The following SENP6 variants were observed in gnomAD, a reference collection of about 807,000 sequenced individuals.
SENP6 encodes the protein SUMO specific peptidase 6, also known as sentrin-specific protease 6.
Under a neutral mutation model 134.5 loss-of-function variants are expected in SENP6, and 41 were observed. The observed-to-expected ratio is 0.30, with a 90% CI of 0.24 to 0.40. The LOEUF is 0.40. Ranked by LOEUF, SENP6 falls within the 10% of genes least tolerant of loss-of-function variation. The probability of loss-of-function intolerance (pLI) is 1.00; values close to 1 mark genes in which losing one functional copy is unlikely to be tolerated. For missense variants in SENP6, 1,248 were observed against 1,312.5 expected, an observed-to-expected ratio of 0.95 and a Z score of 0.76; for synonymous variants, 395 against 429.8, an observed-to-expected ratio of 0.92 and a Z score of 1.00.
At position 75,708,350 on chromosome 6, in the gene SENP6, TATTAACTTATA is replaced by T. The variant is rs200971151; in HGVS notation, c.2717-1176_2717-1166del. On this transcript the variant is annotated intron_variant, in intron 19 of 23. Coordinates refer to ENST00000447266, the MANE Select transcript of SENP6 (RefSeq NM_015571.4). ...TTATATTAATATCTTAACACCTTTT[TATTAACTTATA>T]CCAAAATTTATTTTATCCTGTCTAC... Among the ~76,000 whole-genome samples, 79 of 152,358 alleles carry T rather than the reference TATTAACTTATA, an allele frequency of 5.2e-4. No individual in the cohort carries two copies. In the East Asian group the frequency reaches 6.2e-3, roughly 12 times the overall value.
intron 2 of SENP6, among the ~76,000 whole-genome samples, chr6:75,622,418 A>T (rs186676376): frequency 6.6e-6 from 1 of 152,076 alleles, no homozygotes; most frequent in East Asian, 1.9e-4. Context: ...GATTAGCTGG[A>T]TGTGGTGGCA....
chr6:75,693,422 A>C (rs547954691), intron 16 of SENP6, among the ~76,000 whole-genome samples: 10 of 151,680 alleles, frequency 6.6e-5, no homozygotes, highest in Admixed American at 2.6e-4. Flanking sequence ...AAAAAAAAAA[A>C]AAAAAAACAC....
At chr6:75,708,940 A>T (rs1775585719) in intron 19 of SENP6, among the ~76,000 whole-genome samples, 1 of 152,126 alleles carries the variant, frequency 6.6e-6, no homozygotes, top group South Asian at 2.1e-4. Flanking sequence ...AATGGTAGTA[A>T]ATCTTACATT....
chr6:75,702,901 C>T lies in SENP6; in HGVS notation c.2545C>T (p.Arg849Cys), dbSNP rs371776397. 5.0e-6 allele frequency: 8 copies of T among 1,613,810 alleles called. No homozygotes were observed. The highest frequency in any genetic ancestry group is 2.2e-5 in the East Asian group (1 of 44,878). The change falls in exon 19 of 24, where the codon CGT (arginine) becomes TGT (cysteine). Residue 849 changes from arginine to cysteine, a missense_variant. Transcript: ENST00000447266. Reference protein sequence around the residue: ...SNPGQEESDPRYKRNICSVKY... With the variant: ...SNPGQEESDPCYKRNICSVKY... The stretch of plus-strand genomic sequence containing the variant: ...TCCTGGGCAGGAAGAAAGTGACCCT[C>T]GTTATAAGAGAAACATATGCAGTGT...
chr6:75,650,608 A>G (rs983163733), intron 7 of SENP6, among the ~76,000 whole-genome samples: 15 of 152,232 alleles, frequency 9.9e-5, no homozygotes, highest in African/African-American at 3.6e-4. Context: ...TTATTAATAA[A>G]TGAGGGTTTT....
intron 2 of SENP6, among the ~76,000 whole-genome samples, chr6:75,623,061 AT>A (rs1261295971): frequency 6.6e-6 from 1 of 152,190 alleles, no homozygotes; most frequent in African/African-American, 2.4e-5. Flanking sequence ...AGACTTTTTA[AT>A]CATTAAAAAA....
rs543912187 is a variant in SENP6 at position 75,703,781 on chromosome 6, A to T, written c.2716+709A>T. On this transcript the variant is annotated intron_variant, in intron 19 of 23. Coordinates refer to ENST00000447266, the MANE Select transcript of SENP6 (RefSeq NM_015571.4). ...CATCTCAAAATTAAAAAACAAAAAAATTGAGAACTTTCCATCACTCAAAAA... is the reference window on the plus strand; with the variant it reads ...CATCTCAAAATTAAAAAACAAAAAATTTGAGAACTTTCCATCACTCAAAAA... Among the ~76,000 whole-genome samples, 64 of 152,134 alleles carry T rather than the reference A, an allele frequency of 4.2e-4. No individual in the cohort carries two copies. In the South Asian group the frequency reaches 0.013, roughly 31 times the overall value.
intron 1 of SENP6, chr6:75,611,510 C>G (rs1474711333): frequency 6.6e-6 from 1 of 152,138 alleles, no homozygotes; most frequent in South Asian, 2.1e-4. Flanking sequence ...TTTGCACTTT[C>G]AAAGTTAAAG....
intron 18 of SENP6, 125 bp downstream of exon 18, chr6:75,697,642 A>T: frequency 3.1e-6 from 2 of 635,218 alleles, no homozygotes; most frequent in Non-Finnish European, 5.5e-6. Flanking sequence ...GTGTATATTC[A>T]TATTTGTACT....
At chr6:75,673,460 A>T (rs111507284) in intron 11 of SENP6, among the ~76,000 whole-genome samples, 39,876 of 150,954 alleles carry the variant, frequency 0.26, 6,193 homozygotes, top group Non-Finnish European at 0.37. Context: ...AGTAGCTGAG[A>T]TTACAGGTGC....
intron 3 of SENP6, among the ~76,000 whole-genome samples, chr6:75,632,567 A>G (rs1769193148): frequency 6.6e-6 from 1 of 152,214 alleles, no homozygotes; most frequent in South Asian, 2.1e-4. Flanking sequence ...TTATAGTTGC[A>G]GGTCTGACAT....
At chr6:75,695,458 C>T (rs1016781046) in intron 16 of SENP6, among the ~76,000 whole-genome samples, 4 of 152,062 alleles carry the variant, frequency 2.6e-5, no homozygotes, top group Non-Finnish European at 5.9e-5. Context: ...GAACTGTGGC[C>T]GGGCGCCATG....
At chr6:75,604,240 A>T (rs1766852577) in intron 1 of SENP6, among the ~76,000 whole-genome samples, 1 of 152,210 alleles carries the variant, frequency 6.6e-6, no homozygotes, top group South Asian at 2.1e-4. Flanking sequence ...ATTCTAATCT[A>T]AGGGTCTTTG....
Position 75,675,437 on chromosome 6 carries a change from T to G in SENP6, c.1395T>G (p.Phe465Leu). 7.0e-7 allele frequency: 1 copy of G among 1,438,818 alleles called. No individual in the cohort carries two copies. Among genetic ancestry groups the G allele is most frequent in the Non-Finnish European group, 9.5e-7 (1 of 1,047,478 alleles). 89.1% of individuals were successfully genotyped at this position (1,438,818 alleles called of 1,614,324 possible). A position where few individuals can be genotyped will look rare whatever the true frequency, so the allele number is the denominator to read the frequency against. ...TACTAATTCATCTTTTTTTTTAGTT[T>G]TGTTTAGATTTTATCAAGATACAGC... ...LFRLLIEPVI[F>L]CLDFIKIQLD... The change falls in exon 12 of 24, where the codon TTT becomes TTG. Residue 465 changes from phenylalanine to leucine, a missense_variant and splice_region_variant. By Grantham distance (22) the Phe-to-Leu change is conservative. Around this residue, in one of 3 missense-constraint regions of SENP6, gnomAD observed 733 missense variants for 725.4 expected, o/e 1.01. Coordinates refer to ENST00000447266, the MANE Select transcript of SENP6 (RefSeq NM_015571.4).
At chr6:75,659,459 A>G (rs1403709133) in intron 8 of SENP6, 52 bp downstream of exon 8, 2 of 1,485,230 alleles carry the variant, frequency 1.3e-6, no homozygotes, top group Non-Finnish European at 1.9e-6. Context: ...TTTGATTAAT[A>G]TTAGTTTCAG....
chr6:75,603,194 C>G (rs115223271), intron 1 of SENP6, among the ~76,000 whole-genome samples: 2,932 of 152,206 alleles, frequency 0.019, 101 homozygotes, highest in African/African-American at 0.066. Flanking sequence ...GTAACTAAAG[C>G]TTATTGACAC....
At chr6:75,714,193 G>C (rs1185865669) in intron 23 of SENP6, among the ~76,000 whole-genome samples, 1 of 152,098 alleles carries the variant, frequency 6.6e-6, no homozygotes, top group African/African-American at 2.4e-5. Context: ...TAATTCTACA[G>C]ATTCTACTTC....
In SENP6 at chr6:75,647,753, C is replaced by G; in HGVS notation, c.502C>G (p.Gln168Glu). 2 of 1,611,754 alleles carry G rather than the reference C, an allele frequency of 1.2e-6. No homozygotes were observed. Among genetic ancestry groups the G allele is most frequent in the African/African-American group, 2.7e-5 (2 of 74,910 alleles). ...TAGGAAAGAATACCCACCTCATGTC[C>G]AAAAAGTTGAAATTAATCCTGTAAG... ...KERKEYPPHV[Q>E]KVEINPVRLS... Residue 168 changes from glutamine (Q) to glutamate (E), a missense_variant, in exon 7 of 24, where the codon CAA becomes GAA. By Grantham distance (29) the Gln-to-Glu change is conservative. Coordinates refer to ENST00000447266, the MANE Select transcript of SENP6 (RefSeq NM_015571.4).
intron 16 of SENP6, among the ~76,000 whole-genome samples, chr6:75,687,412 G>A (rs1171378834): frequency 2.0e-5 from 3 of 152,214 alleles, no homozygotes; most frequent in Admixed American, 2.0e-4. Flanking sequence ...ACTCGTCAAA[G>A]TCATTCTCCG....
Sources: allele counts gnomAD v4.1 joint callset (sites outside exome capture counted in the v4.1 genomes callset), GRCh38; gene constraint gnomAD v4.1.1; regional missense constraint gnomAD v4.1.1; transcripts MANE v1.5; gene names NCBI Gene and HGNC (gene_info 2026-07-23, HGNC 2026-07-21).